The following CLVS1 variants were observed in gnomAD, a reference collection of about 807,000 sequenced individuals.
CLVS1 encodes clavesin-1.
CLVS1 carries 10 observed loss-of-function variants against 33.1 expected under a neutral mutation model. That is an observed-to-expected ratio of 0.30 (90% CI 0.19 to 0.51). The LOEUF is 0.51. CLVS1 is among the 20% of genes least tolerant of loss of function. CLVS1 has a pLI of 0.97. For missense variants in CLVS1, 343 were observed against 433.4 expected (o/e 0.79, Z 1.85); for synonymous variants, 163 against 166.1 (o/e 0.98, Z 0.14).
At chr8:61,488,857 C>T (rs1803967279) in intron 5 of CLVS1, among the ~76,000 whole-genome samples, 2 of 152,190 alleles carry the variant, frequency 1.3e-5, no homozygotes, top group Non-Finnish European at 2.9e-5. Context: ...GCTCCCTTCT[C>T]CCATTCCTTC....
chr8:61,397,959 T>C (rs1176840816), intron 3 of CLVS1, among the ~76,000 whole-genome samples: 2 of 152,130 alleles, frequency 1.3e-5, no homozygotes, highest in African/African-American at 4.8e-5. Context: ...ATTTTTATAT[T>C]TCAAGATTGT....
intron 1 of CLVS1, among the ~76,000 whole-genome samples, chr8:61,128,508 G>A (rs899267676): frequency 7.2e-5 from 11 of 152,024 alleles, no homozygotes; most frequent in African/African-American, 2.4e-4. Context: ...CTTACTGCAA[G>A]CTCCTGCAAT....
chr8:61,013,101 T>A, the CLVS1 span, among the ~76,000 whole-genome samples: 1 of 152,158 alleles, frequency 6.6e-6, no homozygotes, highest in Admixed American at 6.5e-5. Context: ...GAGAACCATG[T>A]CATTTGGAGA....
chr8:61,459,048 C>T (rs923983559), intron 5 of CLVS1, among the ~76,000 whole-genome samples: 2 of 152,092 alleles, frequency 1.3e-5, no homozygotes, highest in African/African-American at 4.8e-5. Context: ...ATAAAGCAGG[C>T]GACATTCAGT....
intron 2 of CLVS1, among the ~76,000 whole-genome samples, chr8:61,135,027 G>A (rs1806165931): frequency 6.6e-6 from 1 of 151,708 alleles, no homozygotes; most frequent in Non-Finnish European, 1.5e-5. Flanking sequence ...TGAGGCATAA[G>A]GAAAAATCCA....
intron 3 of CLVS1, among the ~76,000 whole-genome samples, chr8:61,431,720 T>C (rs529539323): frequency 3.0e-4 from 45 of 152,350 alleles, no homozygotes; most frequent in Non-Finnish European, 5.4e-4. Context: ...TAATCTCTTT[T>C]GTTCTTTGAC....
chr8:61,233,347 T>C (rs752088594), intron 2 of CLVS1, among the ~76,000 whole-genome samples: 1 of 152,132 alleles, frequency 6.6e-6, no homozygotes, highest in African/African-American at 2.4e-5. Flanking sequence ...CAATGTATGA[T>C]ATTCAGTGAG....
chr8:61,266,043 G>A (rs193299970), intron 2 of CLVS1, among the ~76,000 whole-genome samples: 40 of 152,146 alleles, frequency 2.6e-4, no homozygotes, highest in African/African-American at 7.5e-4. Flanking sequence ...CTTCCTGTTC[G>A]TCTCCCCATG....
chr8:61,486,333 A>G (rs1211283947), intron 5 of CLVS1, among the ~76,000 whole-genome samples: 1 of 152,180 alleles, frequency 6.6e-6, no homozygotes, highest in East Asian at 1.9e-4. Context: ...AAATGAAGGA[A>G]TTAATGGGCA....
At chr8:61,193,896 C>T (rs577640224) in intron 2 of CLVS1, among the ~76,000 whole-genome samples, 369 of 151,934 alleles carry the variant, frequency 2.4e-3, no homozygotes, top group Non-Finnish European at 4.2e-3. Context: ...GGGATTAAAA[C>T]GATAAAACAC....
At chr8:61,173,453 C>T (rs886479441) in intron 2 of CLVS1, among the ~76,000 whole-genome samples, 1 of 152,118 alleles carries the variant, frequency 6.6e-6, no homozygotes, top group East Asian at 1.9e-4. Context: ...TCTATTTGTG[C>T]TCTTTCAGAC....
intron 2 of CLVS1, among the ~76,000 whole-genome samples, chr8:61,248,644 T>TTATATA (rs113770223): frequency 2.0e-5 from 3 of 149,160 alleles, no homozygotes; most frequent in African/African-American, 4.9e-5. Context: ...ACCAAGTCAT[T>TTATATA]TATATATATA....
chr8:61,035,929 C>T, the CLVS1 span, among the ~76,000 whole-genome samples: 1 of 152,148 alleles, frequency 6.6e-6, no homozygotes, highest in East Asian at 1.9e-4. Context: ...CTTTTGCGTG[C>T]ACCTGATGCA....
the CLVS1 span, among the ~76,000 whole-genome samples, chr8:60,989,745 A>C: frequency 1.3e-5 from 2 of 152,166 alleles, no homozygotes; most frequent in Non-Finnish European, 2.9e-5. Context: ...GTTATATGAT[A>C]CTGCAAGAAA....
rs144231843 is a variant in CLVS1, at chr8:61,335,777, A to AT, written c.455+35503dup. Among the ~76,000 whole-genome samples, 1,702 of 152,076 alleles carry AT rather than the reference A, an allele frequency of 0.011. 96 individuals carry two copies. In the East Asian group the frequency reaches 0.18, roughly 16 times the overall value. ...TCAGAAGCAGACCACTGCAAAACCA[A>AT]TTTTTTTTCTTGCACTGCAAACAGA... On this transcript the variant is annotated intron_variant, in intron 2 of 5. Coordinates refer to ENST00000325897, the MANE Select transcript of CLVS1 (RefSeq NM_173519.3).
chr8:61,238,479 G>A (rs780159629), intron 2 of CLVS1, among the ~76,000 whole-genome samples: 1 of 152,162 alleles, frequency 6.6e-6, no homozygotes, highest in Admixed American at 6.5e-5. Flanking sequence ...GAAGCAAAGA[G>A]GATGGCTGTT....
the CLVS1 span, among the ~76,000 whole-genome samples, chr8:60,969,170 G>A: frequency 6.6e-6 from 1 of 152,158 alleles, no homozygotes; most frequent in Non-Finnish European, 1.5e-5. Context: ...CTCTTATCAG[G>A]AGAAAGTTAC....
intron 1 of CLVS1, among the ~76,000 whole-genome samples, chr8:61,123,170 G>A (rs1479405427): frequency 7.0e-6 from 1 of 143,280 alleles, no homozygotes; most frequent in East Asian, 2.0e-4. Context: ...TCAGGAGGCT[G>A]AGGCAGGAGA....
intron 5 of CLVS1, among the ~76,000 whole-genome samples, chr8:61,483,811 C>T (rs964820237): frequency 1.3e-5 from 2 of 152,136 alleles, no homozygotes; most frequent in East Asian, 3.9e-4. Context: ...AATCAATAAA[C>T]GTAATCCATC....
Sources: allele counts gnomAD v4.1 joint callset (sites outside exome capture counted in the v4.1 genomes callset), GRCh38; gene constraint gnomAD v4.1.1; transcripts MANE v1.5; gene names NCBI Gene and HGNC (gene_info 2026-07-23, HGNC 2026-07-21).